Variants in CTNND2 observed in about 807,000 individuals in gnomAD.
The protein encoded by CTNND2 is catenin delta-2.
CTNND2 carries 22 observed loss-of-function variants against 144.4 expected under a neutral mutation model. The ratio of observed to expected loss-of-function variants is 0.15; its 90% CI spans 0.11 to 0.22. CTNND2 has a LOEUF of 0.22. CTNND2 is among the 10% of genes least tolerant of loss of function. The pLI, the probability that CTNND2 is intolerant of heterozygous loss-of-function variation, is 1.00. For synonymous variants in CTNND2, 751 were observed against 695.6 expected, an observed-to-expected ratio of 1.08 and a Z score of -1.25; for missense variants, 1,353 against 1,618.8, an observed-to-expected ratio of 0.84 and a Z score of 2.82.
At chr5:10,983,059 G>A (rs1376861291) in intron 20 of CTNND2, among the ~76,000 whole-genome samples, 6 of 152,138 alleles carry the variant, frequency 3.9e-5, no homozygotes, top group African/African-American at 1.2e-4. Flanking sequence ...GAAAAATACA[G>A]TTAGAAGAGA....
intron 10 of CTNND2, among the ~76,000 whole-genome samples, chr5:11,210,561 T>A (rs1318471292): frequency 6.6e-6 from 1 of 152,328 alleles, no homozygotes; most frequent in East Asian, 1.9e-4. Flanking sequence ...AATTATCTCT[T>A]CATTTGGAGA....
intron 3 of CTNND2, among the ~76,000 whole-genome samples, chr5:11,452,644 C>A (rs1765399964): frequency 6.6e-6 from 1 of 152,126 alleles, no homozygotes; most frequent in Non-Finnish European, 1.5e-5. Context: ...GTTCAAGATT[C>A]TTTTCATTCT....
chr5:11,642,472 CA>C (rs1782118868), intron 2 of CTNND2, among the ~76,000 whole-genome samples: 1 of 152,108 alleles, frequency 6.6e-6, no homozygotes, highest in African/African-American at 2.4e-5. Flanking sequence ...AAGCCAGCAG[CA>C]CAAACTCTGA....
At chr5:11,871,222 T>C (rs1253541818) in intron 1 of CTNND2, among the ~76,000 whole-genome samples, 3 of 152,338 alleles carry the variant, frequency 2.0e-5, no homozygotes, top group South Asian at 2.1e-4. Flanking sequence ...TCCAAGTCTA[T>C]GGTAACTTGT....
intron 1 of CTNND2, among the ~76,000 whole-genome samples, chr5:11,823,035 C>T (rs1038788322): frequency 6.6e-6 from 1 of 152,178 alleles, no homozygotes; most frequent in Non-Finnish European, 1.5e-5. Context: ...GTTAAAATTA[C>T]TCAATTATTG....
chr5:11,567,073 C>A (rs1777171775), intron 2 of CTNND2, among the ~76,000 whole-genome samples: 1 of 152,104 alleles, frequency 6.6e-6, no homozygotes, highest in Non-Finnish European at 1.5e-5. Context: ...CTTGTTTGCA[C>A]TGTTTCTAAC....
intron 2 of CTNND2, among the ~76,000 whole-genome samples, chr5:11,680,565 G>C (rs1161266041): frequency 6.6e-6 from 1 of 152,186 alleles, no homozygotes; most frequent in Non-Finnish European, 1.5e-5. Flanking sequence ...CAAGGACCTA[G>C]AAAGGTTTTC....
chr5:10,997,379 G>C (rs1232873072), intron 18 of CTNND2, among the ~76,000 whole-genome samples: 2 of 152,110 alleles, frequency 1.3e-5, no homozygotes, highest in Admixed American at 1.3e-4. Context: ...AGATCACGAG[G>C]TCAAGAGATC....
chr5:11,696,826 C>A (rs773417959), intron 2 of CTNND2, among the ~76,000 whole-genome samples: 32 of 152,158 alleles, frequency 2.1e-4, no homozygotes, highest in Non-Finnish European at 4.0e-4. Flanking sequence ...AGCTGAAAAT[C>A]AGCCCTGCCT....
At chr5:11,533,269 T>C (rs568006451) in intron 3 of CTNND2, among the ~76,000 whole-genome samples, 4 of 152,382 alleles carry the variant, frequency 2.6e-5, no homozygotes, top group African/African-American at 9.6e-5. Flanking sequence ...CATGATAGCC[T>C]GTGCTTATTT....
At chr5:11,551,204 C>T (rs887525032) in intron 3 of CTNND2, among the ~76,000 whole-genome samples, 2 of 152,044 alleles carry the variant, frequency 1.3e-5, no homozygotes, top group African/African-American at 4.8e-5. Flanking sequence ...ACCAGTGTAC[C>T]CCATCGGCTC....
intron 2 of CTNND2, among the ~76,000 whole-genome samples, chr5:11,675,611 G>A (rs1000910773): frequency 6.6e-6 from 1 of 151,994 alleles, no homozygotes. Context: ...AAAAATCACA[G>A]AGGACCCAGA....
chr5:11,742,836 C>A (rs1219362582), intron 1 of CTNND2, among the ~76,000 whole-genome samples: 1 of 152,118 alleles, frequency 6.6e-6, no homozygotes, highest in Non-Finnish European at 1.5e-5. Flanking sequence ...TATTAGGGTA[C>A]ACAGAATGTG....
chr5:11,083,942 TC>T (rs2149638167), intron 15 of CTNND2: 1 of 1,146,402 alleles, frequency 8.7e-7, no homozygotes, highest in South Asian at 1.7e-5. Context: ...GCCTGCCACA[TC>T]CTCAGCCCAG....
At chr5:11,338,013 A>C (rs1299386695) in intron 9 of CTNND2, among the ~76,000 whole-genome samples, 1 of 152,218 alleles carries the variant, frequency 6.6e-6, no homozygotes, top group East Asian at 1.9e-4. Flanking sequence ...AGATGGAATA[A>C]GCAAATATGA....
chr5:11,856,983 T>C (rs1795282254), intron 1 of CTNND2, among the ~76,000 whole-genome samples: 1 of 152,222 alleles, frequency 6.6e-6, no homozygotes, highest in South Asian at 2.1e-4. Context: ...TTGAAATTAG[T>C]GCATGCAGAC....
At chr5:11,543,329 T>G (rs1030998453) in intron 3 of CTNND2, among the ~76,000 whole-genome samples, 3 of 152,108 alleles carry the variant, frequency 2.0e-5, no homozygotes, top group Admixed American at 6.5e-5. Flanking sequence ...AGACATTCCT[T>G]CATGTAAGGG....
In CTNND2 at chr5:10,973,497, A is replaced by T. The variant is rs755024571; in HGVS notation, c.3634T>A (p.Tyr1212Asn). The T allele has an allele frequency of 2.5e-6, 4 of 1,605,906 alleles. No homozygotes were observed. The Admixed American group carries it at 6.7e-5, about 27-fold the overall frequency. ...GAGGCCGGGTAGTGGCTCGTTTCAT[A>T]GTTCAGTTCACTGTAGGGACGGGCA... ...SAARPYSELN[Y>N]ETSHYPASPD... is the part of the protein sequence containing the mutation. Residue 1212 changes from tyrosine (Y) to asparagine (N), a missense_variant, in exon 22 of 22, where the codon TAT (tyrosine) becomes AAT (asparagine). Coordinates refer to ENST00000304623, the MANE Select transcript of CTNND2 (RefSeq NM_001332.4). This position sits in a 1 kb window ranked among gnomAD's most constrained non-coding sequence, Gnocchi z 5.6.
At chr5:11,868,485 A>G (rs1312704434) in intron 1 of CTNND2, among the ~76,000 whole-genome samples, 1 of 152,204 alleles carries the variant, frequency 6.6e-6, no homozygotes, top group Non-Finnish European at 1.5e-5. Flanking sequence ...CTTTAAAAGT[A>G]TCCAACTCAA....
Sources: allele counts gnomAD v4.1 joint callset (sites outside exome capture counted in the v4.1 genomes callset), GRCh38; gene constraint gnomAD v4.1.1; non-coding constraint Gnocchi (gnomAD v3.1); transcripts MANE v1.5; gene names NCBI Gene and HGNC (gene_info 2026-07-23, HGNC 2026-07-21).